Variants in SMS observed in about 807,000 individuals in gnomAD.
SMS encodes the protein spermine synthase.
SMS carries 3 observed loss-of-function variants against 33.0 expected under a neutral mutation model. The observed-to-expected ratio is 0.09, with a 90% CI of 0.04 to 0.23. The LOEUF is 0.23. Among genes scored for constraint, SMS ranks in the 10% least tolerant of loss-of-function variants. SMS has a pLI of 1.00. For synonymous variants in SMS, 103 were observed against 112.2 expected, an observed-to-expected ratio of 0.92 and a Z score of 0.52; for missense variants, 117 against 288.6, an observed-to-expected ratio of 0.41 and a Z score of 4.31.
chrX:21,951,736 C>CTT (rs200014831), intron 1 of SMS, among the ~76,000 whole-genome samples: 22 of 91,612 alleles, frequency 2.4e-4, no homozygotes, highest in South Asian at 2.0e-3. Context: ...GGTTTAGGGG[C>CTT]TTTTTTTTTT....
Position 21,977,047 on chromosome X carries a change from TTC to T in SMS, c.330-10_330-9del, listed in dbSNP as rs758708556. On this transcript the variant is annotated splice_polypyrimidine_tract_variant and intron_variant, in intron 4 of 10. Transcript: ENST00000404933. ...GTTCTAGTAAGGTACATTTCTGTTT[TTC>T]TCTTTTTCCAGATTACCACCCATAG... 2 of 1,204,988 alleles carry T rather than the reference TTC, an allele frequency of 1.7e-6. No homozygotes were observed. Among genetic ancestry groups the T allele is most frequent in the Admixed American group, 2.2e-5 (1 of 46,019 alleles).
At chrX:21,954,483 C>T (rs943257627) in intron 1 of SMS, among the ~76,000 whole-genome samples, 3 of 112,398 alleles carry the variant, frequency 2.7e-5, no homozygotes, top group South Asian at 3.7e-4. Context: ...GCTGCCTTCT[C>T]GTCTGGAATC....
intron 9 of SMS, among the ~76,000 whole-genome samples, chrX:21,989,712 A>G (rs1250101931): frequency 1.8e-5 from 2 of 111,404 alleles, no homozygotes; most frequent in African/African-American, 6.5e-5. Context: ...TCACCTGCAC[A>G]TCTCAGAACC....
intron 1 of SMS, among the ~76,000 whole-genome samples, chrX:21,966,429 G>A (rs1923726975): frequency 8.9e-6 from 1 of 111,947 alleles, no homozygotes; most frequent in Non-Finnish European, 1.9e-5. Context: ...AATGTTGGAT[G>A]TTCTTGAAGA....
chrX:21,991,810 T>C (rs1038220716), intron 9 of SMS, among the ~76,000 whole-genome samples: 1 of 112,131 alleles, frequency 8.9e-6, no homozygotes, highest in Non-Finnish European at 1.9e-5. Context: ...ACCTTTTTTT[T>C]CCTTGTGGTC....
At chrX:21,972,231 C>T (rs144436204) in intron 3 of SMS, among the ~76,000 whole-genome samples, 49 of 111,945 alleles carry the variant, frequency 4.4e-4, no homozygotes, top group African/African-American at 1.4e-3. Flanking sequence ...GAATAGAAAA[C>T]CTTTAACCAG....
intron 9 of SMS, among the ~76,000 whole-genome samples, chrX:21,989,095 A>G (rs1409453152): frequency 1.8e-5 from 2 of 111,061 alleles, no homozygotes; most frequent in East Asian, 5.6e-4. Flanking sequence ...ATGATTTCCT[A>G]AATCATTATA....
chrX:21,965,584 C>A (rs147849665), intron 1 of SMS, among the ~76,000 whole-genome samples: 67 of 60,533 alleles, frequency 1.1e-3, no homozygotes, highest in Non-Finnish European at 1.4e-3. Flanking sequence ...ACTACAAATA[C>A]AAAAAAAAAA....
At chrX:21,987,025 C>T (rs1024812329) in intron 9 of SMS, among the ~76,000 whole-genome samples, 2 of 85,003 alleles carry the variant, frequency 2.4e-5, no homozygotes, top group Non-Finnish European at 4.3e-5. Flanking sequence ...GATGGAGTTG[C>T]GCTCTTGTTT....
intron 1 of SMS, among the ~76,000 whole-genome samples, chrX:21,964,597 C>T (rs987157788): frequency 2.7e-5 from 3 of 111,132 alleles, no homozygotes; most frequent in Non-Finnish European, 5.7e-5. Context: ...ATTGCTGATA[C>T]CCCAAGGGTC....
chrX:21,971,750 T>C, intron 2 of SMS, 147 bp from the exon 3 acceptor site: 1 of 491,088 alleles, frequency 2.0e-6, no homozygotes. Context: ...GACGCAGCCC[T>C]AGTAAGAAAG....
chrX:21,944,544 A>AAAAAAAAAAAAAAAG (rs1555992699), intron 1 of SMS, among the ~76,000 whole-genome samples: 4 of 99,050 alleles, frequency 4.0e-5, no homozygotes, highest in Admixed American at 2.7e-4. Flanking sequence ...AAAAAAAAAA[A>AAAAAAAAAAAAAAAG]AGAAAAAAAA....
chrX:21,944,715 T>C (rs1361163351), intron 1 of SMS, among the ~76,000 whole-genome samples: 3 of 109,069 alleles, frequency 2.8e-5, no homozygotes, highest in Non-Finnish European at 5.7e-5. Context: ...TAGTGGCTCA[T>C]GCCTGTAATC....
In SMS at chrX:21,971,993, C is replaced by T. The variant is rs373795414; in HGVS notation, c.264+3C>T. Reference sequence around the variant, plus strand: ...AAGGCAAAGAAGAGATCGACAGTGTCGGTTTTTCACTTTCATTTACTCAGT... The same window carrying T: ...AAGGCAAAGAAGAGATCGACAGTGTTGGTTTTTCACTTTCATTTACTCAGT... On this transcript the variant is annotated splice_donor_region_variant and intron_variant, in intron 3 of 10. Coordinates refer to ENST00000404933, the MANE Select transcript of SMS (RefSeq NM_004595.5). 20 of 1,142,034 alleles carry T rather than the reference C, an allele frequency of 1.8e-5. No individual in the cohort carries two copies. Among genetic ancestry groups the T allele is most frequent in the African/African-American group, 7.1e-5 (4 of 55,960 alleles). 94.1% of individuals were successfully genotyped at this position (1,142,034 alleles called of 1,213,427 possible).
Position 21,980,415 on chromosome X carries a change from C to CAAAAA in SMS, c.750+1460_750+1464dup, listed in dbSNP as rs1178108858. The stretch of plus-strand genomic sequence containing the variant: ...CTGGGCAACAGAGGGAGACTGTCTC[C>CAAAAA]AAAAAAAAAAAAAAATATATATATA... On this transcript the variant is annotated intron_variant, in intron 7 of 10. Transcript: ENST00000404933. Among the ~76,000 whole-genome samples, 322 of 44,528 alleles carry CAAAAA rather than the reference C, an allele frequency of 7.2e-3. 11 individuals are homozygous for CAAAAA. Among genetic ancestry groups the CAAAAA allele is most frequent in the African/African-American group, 0.027 (276 of 10,296 alleles). The allele number at this position is 44,528 out of a possible 115,157, so 38.7% of individuals were successfully genotyped here. A position where few individuals can be genotyped will look rare whatever the true frequency, so the allele number is the denominator to read the frequency against.
At chrX:21,983,142 C>T (rs767947068) in intron 7 of SMS, among the ~76,000 whole-genome samples, 4 of 111,115 alleles carry the variant, frequency 3.6e-5, no homozygotes, top group African/African-American at 9.8e-5. Context: ...CGGGCTCAAG[C>T]GATCCTCCCA....
intron 7 of SMS, 117 bp from the exon 8 acceptor site, chrX:21,984,187 G>A: frequency 1.8e-6 from 1 of 563,812 alleles, no homozygotes; most frequent in South Asian, 2.4e-5. Flanking sequence ...AGTTGCTGTG[G>A]ATAGCTGTGG....
chrX:21,947,294 CG>C (rs1922307676), intron 1 of SMS, among the ~76,000 whole-genome samples: 1 of 111,294 alleles, frequency 9.0e-6, no homozygotes, highest in African/African-American at 3.3e-5. Context: ...TGCAGCCTTT[CG>C]GGGCTGATGA....
intron 2 of SMS, among the ~76,000 whole-genome samples, chrX:21,971,132 G>A (rs1924125860): frequency 9.2e-6 from 1 of 108,829 alleles, no homozygotes; most frequent in Non-Finnish European, 1.9e-5. Context: ...GGAGGTGGAG[G>A]CTGCAGTGAG....
Sources: gnomAD v4.1 joint callset for allele counts (sites outside exome capture counted in the v4.1 genomes callset) on GRCh38, gnomAD v4.1.1 for gene constraint, MANE v1.5 for transcripts, NCBI Gene and HGNC (gene_info 2026-07-23, HGNC 2026-07-21) for gene names.